Variants in PAQR8 observed in about 807,000 individuals in gnomAD.
PAQR8 encodes the protein membrane progestin receptor beta.
A neutral mutation model predicts 25.2 loss-of-function variants in PAQR8; 17 were observed. That is an observed-to-expected ratio of 0.67 (90% CI 0.46 to 1.01). PAQR8 has a LOEUF of 1.01. Among genes scored for constraint, PAQR8 ranks in the 50% least tolerant of loss-of-function variants. PAQR8 has a pLI of 0.00. For synonymous variants in PAQR8, 204 were observed against 190.6 expected (o/e 1.07, Z -0.58); for missense variants, 392 against 448.4 (o/e 0.87, Z 1.14).
chr6:52,387,907 T>C (rs1011037056), intron 1 of PAQR8, among the ~76,000 whole-genome samples: 1 of 152,258 alleles, frequency 6.6e-6, no homozygotes, highest in East Asian at 1.9e-4. Flanking sequence ...GAACTGCACA[T>C]GCAAAGGATC....
rs747934492 is a variant in PAQR8 at position 52,368,710 on chromosome 6, T to TC, written c.-53+6461_-53+6462insC. On this transcript the variant is annotated intron_variant, in intron 1 of 1. Transcript: ENST00000442253. ...AGTTTTCAAAGTAGTTTTATATATC[T>TC]TCTCAAATATGACTTTTGCTACCAT... is the stretch of plus-strand genomic sequence containing the variant. Among the ~76,000 whole-genome samples, 11 of 152,344 alleles carry TC rather than the reference T, an allele frequency of 7.2e-5. No individual in the cohort carries two copies. The East Asian group carries it at 2.1e-3, about 29-fold the overall frequency.
At chr6:52,388,299 C>G (rs981209287) in intron 1 of PAQR8, among the ~76,000 whole-genome samples, 1 of 151,770 alleles carries the variant, frequency 6.6e-6, no homozygotes, top group African/African-American at 2.4e-5. Context: ...TGGCTTGAGC[C>G]TGGGAGGTGG....
chr6:52,396,583 G>A (rs1473492649), intron 1 of PAQR8, among the ~76,000 whole-genome samples: 1 of 152,176 alleles, frequency 6.6e-6, no homozygotes, highest in Non-Finnish European at 1.5e-5. Context: ...GAAGTGATTT[G>A]GAGAATGAAG....
chr6:52,379,050 T>A (rs1325636596), intron 1 of PAQR8, among the ~76,000 whole-genome samples: 1 of 139,536 alleles, frequency 7.2e-6, no homozygotes, highest in Non-Finnish European at 1.5e-5. Context: ...TGAGCCAAGA[T>A]CGTGCCACTG....
In PAQR8 at chr6:52,403,988, G is replaced by A. The variant is rs772565123; in HGVS notation, c.775G>A (p.Ala259Thr). ...TLQILFFLVS[A>T]YFFSCPVPEK... ...CCAGATCCTCTTCTTCCTGGTTAGC[G>A]CTTATTTCTTCTCCTGCCCCGTGCC... The change falls in exon 2 of 2, where the codon GCT becomes ACT. Residue 259 changes from alanine to threonine, a missense_variant. Physicochemically the swap from Ala to Thr is moderately conservative, Grantham distance 58 (BLOSUM62 0). Transcript: ENST00000442253. The A allele has an allele frequency of 3.1e-6, 5 of 1,614,034 alleles. No homozygotes were observed. Among genetic ancestry groups the A allele is most frequent in the Non-Finnish European group, 4.2e-6 (5 of 1,180,046 alleles).
chr6:52,382,792 C>T (rs1763576714), intron 1 of PAQR8, among the ~76,000 whole-genome samples: 1 of 152,020 alleles, frequency 6.6e-6, no homozygotes, highest in Admixed American at 6.6e-5. Context: ...AGCTACGTTT[C>T]AGTTGAATCC....
At chr6:52,391,245 G>A (rs1763705457) in intron 1 of PAQR8, among the ~76,000 whole-genome samples, 1 of 152,184 alleles carries the variant, frequency 6.6e-6, no homozygotes, top group Non-Finnish European at 1.5e-5. Context: ...ACTTTTCTAA[G>A]TGCAGTGGAG....
chr6:52,383,248 T>C (rs1318941668), intron 1 of PAQR8, among the ~76,000 whole-genome samples: 1 of 152,284 alleles, frequency 6.6e-6, no homozygotes, highest in East Asian at 1.9e-4. Context: ...ACTTGAAATA[T>C]TTCATAATAT....
chr6:52,372,368 G>T (rs1763429657), intron 1 of PAQR8, among the ~76,000 whole-genome samples: 1 of 152,074 alleles, frequency 6.6e-6, no homozygotes, highest in African/African-American at 2.4e-5. Flanking sequence ...TCAACTTATT[G>T]TTACTGATAG....
chr6:52,385,457 A>C (rs924975552), intron 1 of PAQR8, among the ~76,000 whole-genome samples: 1 of 152,212 alleles, frequency 6.6e-6, no homozygotes, highest in Non-Finnish European at 1.5e-5. Flanking sequence ...ATCCTTCAAG[A>C]AAATCTAGGA....
chr6:52,396,402 C>G (rs1015874388), intron 1 of PAQR8, among the ~76,000 whole-genome samples: 1 of 151,992 alleles, frequency 6.6e-6, no homozygotes, highest in Non-Finnish European at 1.5e-5. Flanking sequence ...ACAAATTGGC[C>G]TTAGAGGTAT....
At chr6:52,389,636 T>C (rs113561133) in intron 1 of PAQR8, among the ~76,000 whole-genome samples, 1 of 152,220 alleles carries the variant, frequency 6.6e-6, no homozygotes, top group Non-Finnish European at 1.5e-5. Context: ...TGACTCTTTA[T>C]AGCAAATAAA....
intron 1 of PAQR8, among the ~76,000 whole-genome samples, chr6:52,364,190 A>G (rs1763326429): frequency 1.4e-5 from 2 of 148,120 alleles, no homozygotes; most frequent in African/African-American, 5.0e-5. Flanking sequence ...CATTGGATAA[A>G]CAAGGATTAT....
intron 1 of PAQR8, among the ~76,000 whole-genome samples, chr6:52,393,358 C>T (rs1304374793): frequency 6.9e-5 from 6 of 87,044 alleles, no homozygotes; most frequent in East Asian, 5.9e-4. Context: ...TTTTTTGAGA[C>T]GGCGTCTTGC....
chr6:52,378,146 ATTTAT>A (rs1763506705), intron 1 of PAQR8, among the ~76,000 whole-genome samples: 1 of 152,220 alleles, frequency 6.6e-6, no homozygotes, highest in Non-Finnish European at 1.5e-5. Context: ...TAAATGTTTT[ATTTAT>A]TTAAGTCACA....
intron 1 of PAQR8, among the ~76,000 whole-genome samples, chr6:52,396,674 A>G (rs1370222237): frequency 6.6e-6 from 1 of 152,236 alleles, no homozygotes; most frequent in African/African-American, 2.4e-5. Flanking sequence ...CATCATTAAC[A>G]TAAGTTAATT....
At chr6:52,380,947 C>T (rs1331522490) in intron 1 of PAQR8, among the ~76,000 whole-genome samples, 4 of 152,158 alleles carry the variant, frequency 2.6e-5, no homozygotes, top group African/African-American at 9.7e-5. Flanking sequence ...ACTGATTTTT[C>T]CACATATAAT....
intron 1 of PAQR8, among the ~76,000 whole-genome samples, chr6:52,372,276 A>G (rs1244300156): frequency 6.6e-6 from 1 of 152,250 alleles, no homozygotes; most frequent in Non-Finnish European, 1.5e-5. Context: ...CTGATTCTGT[A>G]TATCTGTAAA....
intron 1 of PAQR8, 99 bp from the exon 2 acceptor site, chr6:52,403,063 C>T: frequency 1.5e-6 from 1 of 672,984 alleles, no homozygotes; most frequent in South Asian, 2.0e-5. Flanking sequence ...AGAGTGATAC[C>T]CCGTCTCAAA....
Sources: gnomAD v4.1 joint callset for allele counts (sites outside exome capture counted in the v4.1 genomes callset) on GRCh38, gnomAD v4.1.1 for gene constraint, MANE v1.5 for transcripts, NCBI Gene and HGNC (gene_info 2026-07-23, HGNC 2026-07-21) for gene names.